Variants in RASGRP3 observed in about 807,000 individuals in gnomAD.
The protein encoded by RASGRP3 is RAS guanyl releasing protein 3.
Under a neutral mutation model 82.7 loss-of-function variants are expected in RASGRP3, and 54 were observed. The observed-to-expected ratio is 0.65, with a 90% CI of 0.52 to 0.82. RASGRP3 has a LOEUF of 0.82. Among genes scored for constraint, RASGRP3 ranks in the 40% least tolerant of loss-of-function variants. RASGRP3 has a pLI of 0.00. For synonymous variants in RASGRP3, 309 were observed against 300.5 expected, an observed-to-expected ratio of 1.03 and a Z score of -0.29; for missense variants, 861 against 828.9, an observed-to-expected ratio of 1.04 and a Z score of -0.48.
intron 2 of RASGRP3, among the ~76,000 whole-genome samples, chr2:33,450,391 T>C (rs917163552): frequency 3.9e-5 from 6 of 152,120 alleles, no homozygotes; most frequent in Non-Finnish European, 8.8e-5. Context: ...TTCTCACCTC[T>C]TCCCAGCCCC....
At chr2:33,524,931 ATTAGCCGGGTGTGG>A in intron 9 of RASGRP3, among the ~76,000 whole-genome samples, 1 of 152,060 alleles carries the variant, frequency 6.6e-6, no homozygotes, top group Admixed American at 6.5e-5. Context: ...TACAAAAAAA[ATTAGCCGGGTGTGG>A]TGGCAGGCAC....
At chr2:33,483,927 T>C (rs972926280) in intron 1 of RASGRP3, among the ~76,000 whole-genome samples, 4 of 152,282 alleles carry the variant, frequency 2.6e-5, no homozygotes, top group Admixed American at 2.6e-4. Context: ...TAATAGTTAA[T>C]GAATTGACCA....
chr2:33,452,317 A>G (rs146186894), intron 2 of RASGRP3, among the ~76,000 whole-genome samples: 74 of 152,222 alleles, frequency 4.9e-4, no homozygotes, highest in African/African-American at 1.7e-3. Flanking sequence ...ATTGATGTCT[A>G]TGCATATGAA....
rs1374571663 is a variant in RASGRP3, at chr2:33,520,663, G to A, written c.347G>A (p.Ser116Asn). 3 of 1,613,972 alleles carry A rather than the reference G, an allele frequency of 1.9e-6. No individual in the cohort carries two copies. Among genetic ancestry groups the A allele is most frequent in the Non-Finnish European group, 2.5e-6 (3 of 1,179,864 alleles). The change falls in exon 6 of 18, where the codon AGC becomes AAC. Residue 116 changes from serine to asparagine, a missense_variant. Coordinates refer to ENST00000403687, the MANE Select transcript of RASGRP3 (RefSeq NM_001139488.2). ...CAACTAGGATATGAAAAACACGTCA[G>A]CCTCATCGACATATCCAGCATGTAA... Reference protein sequence around the residue: ...ASQLGYEKHVSLIDISSIPSY... With the variant: ...ASQLGYEKHVNLIDISSIPSY...
intron 6 of RASGRP3, among the ~76,000 whole-genome samples, chr2:33,521,297 G>C (rs1250852198): frequency 6.6e-6 from 1 of 152,150 alleles, no homozygotes; most frequent in African/African-American, 2.4e-5. Flanking sequence ...ATATCAACTA[G>C]GTAACTTTGC....
At chr2:33,549,833 T>A in intron 14 of RASGRP3, 82 bp downstream of exon 14, 1 of 1,438,570 alleles carries the variant, frequency 7.0e-7, no homozygotes, top group Non-Finnish European at 9.4e-7. Context: ...ATACACTAAA[T>A]AAAGTTCACT....
intron 1 of RASGRP3, among the ~76,000 whole-genome samples, chr2:33,490,091 T>G (rs979026225): frequency 1.3e-5 from 2 of 152,354 alleles, no homozygotes; most frequent in East Asian, 3.9e-4. Flanking sequence ...TATCCATGTT[T>G]GTAACCATGT....
intron 1 of RASGRP3, among the ~76,000 whole-genome samples, chr2:33,484,791 T>C (rs1426961077): frequency 6.6e-6 from 1 of 152,254 alleles, no homozygotes; most frequent in Non-Finnish European, 1.5e-5. Flanking sequence ...AGAAGTCATA[T>C]ACCTTGTAGA....
At chr2:33,474,321 G>A (rs757132626), upstream of RASGRP3, among the ~76,000 whole-genome samples, 1 of 152,104 alleles carries the variant, frequency 6.6e-6, no homozygotes, top group Non-Finnish European at 1.5e-5. Context: ...TCTCATGATA[G>A]TGAGTGAGTT....
At chr2:33,480,551 C>T (rs142198016) in intron 1 of RASGRP3, among the ~76,000 whole-genome samples, 79 of 152,218 alleles carry the variant, frequency 5.2e-4, no homozygotes, top group African/African-American at 1.8e-3. Flanking sequence ...CTCAGAATCA[C>T]GACAGAGTCC....
chr2:33,507,309 T>A (rs1183823456), intron 1 of RASGRP3, among the ~76,000 whole-genome samples: 1 of 152,024 alleles, frequency 6.6e-6, no homozygotes, highest in East Asian at 1.9e-4. Context: ...GTAGGAGAAT[T>A]GCTTGAAAGT....
At chr2:33,486,053 C>T (rs1668341920) in intron 1 of RASGRP3, among the ~76,000 whole-genome samples, 2 of 152,182 alleles carry the variant, frequency 1.3e-5, no homozygotes, top group South Asian at 2.1e-4. Flanking sequence ...TAGTAGAATA[C>T]AGGATTTCCA....
chr2:33,511,068 T>G (rs992388209), intron 1 of RASGRP3, among the ~76,000 whole-genome samples: 3 of 152,204 alleles, frequency 2.0e-5, no homozygotes, highest in Non-Finnish European at 2.9e-5. Context: ...AAAACTCTAT[T>G]GCCCTTTAAA....
At chr2:33,458,369 CTT>C (rs1482986367) in intron 2 of RASGRP3, among the ~76,000 whole-genome samples, 2 of 152,182 alleles carry the variant, frequency 1.3e-5, no homozygotes, top group East Asian at 3.9e-4. Context: ...AGCAGGGAAA[CTT>C]GTGCTCAGTT....
chr2:33,452,400 G>A (rs1486649458), intron 2 of RASGRP3, among the ~76,000 whole-genome samples: 2 of 152,208 alleles, frequency 1.3e-5, no homozygotes, highest in African/African-American at 4.8e-5. Flanking sequence ...GAGATTCTGG[G>A]TGGGTTGTTT....
At chr2:33,548,360 CAAAAA>C (rs775598057) in intron 13 of RASGRP3, among the ~76,000 whole-genome samples, 10 of 78,722 alleles carry the variant, frequency 1.3e-4, no homozygotes, top group Admixed American at 3.3e-4. Context: ...GACTCCGTCT[CAAAAA>C]AAAAAAAAAA....
intron 9 of RASGRP3, among the ~76,000 whole-genome samples, chr2:33,524,851 G>A (rs956162249): frequency 4.0e-5 from 6 of 151,728 alleles, no homozygotes; most frequent in Non-Finnish European, 5.9e-5. Flanking sequence ...AGGCTGAGGC[G>A]GGCGGATCAC....
chr2:33,443,368 C>G (rs1343397950), intron 1 of RASGRP3, among the ~76,000 whole-genome samples: 5 of 152,064 alleles, frequency 3.3e-5, no homozygotes, highest in Non-Finnish European at 7.4e-5. Context: ...AGGTATTATG[C>G]TGTGGTAACA....
intron 11 of RASGRP3, among the ~76,000 whole-genome samples, chr2:33,534,729 G>A (rs1468401323): frequency 2.1e-5 from 3 of 141,218 alleles, no homozygotes; most frequent in Non-Finnish European, 3.0e-5. Flanking sequence ...TTTTAGTAGA[G>A]ATGGGGATTT....
Sources: allele counts gnomAD v4.1 joint callset (sites outside exome capture counted in the v4.1 genomes callset), GRCh38; gene constraint gnomAD v4.1.1; transcripts MANE v1.5; gene names NCBI Gene and HGNC (gene_info 2026-07-23, HGNC 2026-07-21).